The following GLIPR1L2 variants were observed in gnomAD, a reference collection of about 807,000 sequenced individuals.
The protein encoded by GLIPR1L2 is GLIPR1 like 2, also known as GLIPR1-like protein 2.
Under a neutral mutation model 28.4 loss-of-function variants are expected in GLIPR1L2, and 21 were observed. That is an observed-to-expected ratio of 0.74 (90% CI 0.52 to 1.06). GLIPR1L2 has a LOEUF of 1.06. Ranked by LOEUF, GLIPR1L2 falls within the 50% of genes least tolerant of loss-of-function variation. GLIPR1L2 has a pLI of 0.00. For missense variants in GLIPR1L2, 476 were observed against 416.9 expected (o/e 1.14, Z -1.23); for synonymous variants, 145 against 139.3 (o/e 1.04, Z -0.29).
intron 4 of GLIPR1L2, among the ~76,000 whole-genome samples, chr12:75,425,394 C>A (rs968426054): frequency 6.6e-5 from 10 of 152,046 alleles, no homozygotes; most frequent in Non-Finnish European, 1.5e-4. Context: ...CATGAGGTGT[C>A]TGAGTGCAAA....
chr12:75,425,954 A>G (rs1037164054), intron 4 of GLIPR1L2, among the ~76,000 whole-genome samples: 2 of 152,236 alleles, frequency 1.3e-5, no homozygotes, highest in East Asian at 1.9e-4. Flanking sequence ...ATAAATGTGT[A>G]TATATACACA....
intron 4 of GLIPR1L2, among the ~76,000 whole-genome samples, chr12:75,428,594 G>A (rs945067085): frequency 2.6e-5 from 4 of 152,154 alleles, no homozygotes; most frequent in Non-Finnish European, 5.9e-5. Context: ...GGAGCCAAAT[G>A]TTAATCACCA....
chr12:75,413,089 G>A lies in GLIPR1L2; in HGVS notation c.481-509G>A, dbSNP rs1327426351. On this transcript the variant is annotated intron_variant, in intron 2 of 5. Coordinates refer to ENST00000550916, the MANE Select transcript of GLIPR1L2 (RefSeq NM_001270396.2). ...AAACCATGATTCTCAGCAAACTATC[G>A]CAAGGACAAAAAACCAAACACCGCA... 7.9e-5 allele frequency among the ~76,000 whole-genome samples: 12 copies of A among 151,146 alleles called. No homozygotes were observed. In the South Asian group the frequency reaches 1.3e-3, roughly 16 times the overall value.
intron 1 of GLIPR1L2, among the ~76,000 whole-genome samples, chr12:75,398,451 T>C (rs2139921239): frequency 6.6e-6 from 1 of 152,292 alleles, no homozygotes; most frequent in South Asian, 2.1e-4. Context: ...AACATTTTAT[T>C]CCCATTTTTA....
At chr12:75,418,274 A>G (rs183915701) in intron 3 of GLIPR1L2, among the ~76,000 whole-genome samples, 12 of 152,256 alleles carry the variant, frequency 7.9e-5, no homozygotes, top group Admixed American at 7.9e-4. Flanking sequence ...GGCTGGATAA[A>G]AGTAAAACTG....
chr12:75,394,777 A>C (rs1234832189), intron 1 of GLIPR1L2, among the ~76,000 whole-genome samples: 6 of 151,378 alleles, frequency 4.0e-5, no homozygotes, highest in African/African-American at 9.7e-5. Context: ...AAAAAAAAAA[A>C]AAAAAAACAT....
chr12:75,396,213 G>A (rs750979759), intron 1 of GLIPR1L2, among the ~76,000 whole-genome samples: 9 of 151,952 alleles, frequency 5.9e-5, no homozygotes, highest in Non-Finnish European at 1.2e-4. Context: ...TGCCCAGGCT[G>A]GAGTGCAGTG....
rs1555232633 is a variant in GLIPR1L2, at chr12:75,409,565, G to GTGTATATATATA, written c.235-868_235-867insGTATATATATAT. 3.8e-4 allele frequency among the ~76,000 whole-genome samples: 54 copies of GTGTATATATATA among 143,424 alleles called. 1 individual carries two copies. The highest frequency in any genetic ancestry group is 1.0e-3 in the African/African-American group (41 of 39,380). The allele number at this position is 143,424 out of a possible 152,430, so 94.1% of individuals were successfully genotyped here. A position where few individuals can be genotyped will look rare whatever the true frequency, so the allele number is the denominator to read the frequency against. ...TAAAAGATTTTTTTTGGGTGTGTGT[G>GTGTATATATATA]TATATATATATATACACACACACAT... On this transcript the variant is annotated intron_variant, in intron 1 of 5. Coordinates refer to ENST00000550916, the MANE Select transcript of GLIPR1L2 (RefSeq NM_001270396.2).
intron 4 of GLIPR1L2, 118 bp from the exon 5 acceptor site, chr12:75,430,597 C>T (rs2046081120): frequency 3.4e-6 from 3 of 880,734 alleles, no homozygotes; most frequent in Admixed American, 5.4e-5. Context: ...GGAGGGAGGA[C>T]ATCAAAGATA....
At chr12:75,422,591 C>T (rs1002133697) in intron 3 of GLIPR1L2, among the ~76,000 whole-genome samples, 1 of 152,138 alleles carries the variant, frequency 6.6e-6, no homozygotes, top group Non-Finnish European at 1.5e-5. Flanking sequence ...CATGAGCCAC[C>T]GCGCCCGGTC....
At position 75,423,287 on chromosome 12, in the gene GLIPR1L2, G is replaced by A. The variant is rs2139961408; in HGVS notation, c.670+298G>A. On this transcript the variant is annotated intron_variant, in intron 4 of 5. Coordinates refer to ENST00000550916, the MANE Select transcript of GLIPR1L2 (RefSeq NM_001270396.2). ...AAGCTTCACAGTTTATGCCCAAACA[G>A]CAGCCTGTTTGATAATAACTGCTTT... is the stretch of plus-strand genomic sequence containing the variant. 3 of 1,193,776 alleles carry A rather than the reference G, an allele frequency of 2.5e-6. No homozygotes were observed. The East Asian group carries it at 1.2e-4, about 47-fold the overall frequency. 73.9% of individuals were successfully genotyped at this position (1,193,776 alleles called of 1,614,324 possible).
At chr12:75,391,640 A>T (rs1344687904) in intron 1 of GLIPR1L2, 1 of 797,264 alleles carries the variant, frequency 1.3e-6, no homozygotes, top group Non-Finnish European at 1.9e-6. Flanking sequence ...TTTTAATGCA[A>T]CGGGTTTTTA....
intron 1 of GLIPR1L2, among the ~76,000 whole-genome samples, chr12:75,408,709 T>C (rs1422609836): frequency 1.3e-5 from 2 of 151,992 alleles, no homozygotes; most frequent in Admixed American, 6.6e-5. Context: ...AATCTAGTTA[T>C]GTTAATATGG....
At chr12:75,397,089 G>A (rs1213403583) in intron 1 of GLIPR1L2, among the ~76,000 whole-genome samples, 3 of 151,980 alleles carry the variant, frequency 2.0e-5, no homozygotes, top group African/African-American at 4.8e-5. Context: ...ATGTATGTTT[G>A]ACTTTTTCAT....
chr12:75,391,668 C>A, intron 1 of GLIPR1L2: 4 of 570,698 alleles, frequency 7.0e-6, no homozygotes, highest in Non-Finnish European at 8.8e-6. Context: ...AAAATCAGTG[C>A]AAAAATATCA....
At chr12:75,414,846 CAA>C (rs1265054872) in intron 3 of GLIPR1L2, among the ~76,000 whole-genome samples, 2 of 152,024 alleles carry the variant, frequency 1.3e-5, no homozygotes, top group African/African-American at 2.4e-5. Context: ...TTTCTGCTAA[CAA>C]GACGCAAAAA....
intron 1 of GLIPR1L2, among the ~76,000 whole-genome samples, chr12:75,409,524 A>G (rs2045838886): frequency 6.7e-6 from 1 of 149,810 alleles, no homozygotes; most frequent in South Asian, 2.1e-4. Context: ...AACACTCACC[A>G]ACTACTACCA....
At chr12:75,413,782 A>G in intron 3 of GLIPR1L2, 81 bp downstream of exon 3, 1 of 627,672 alleles carries the variant, frequency 1.6e-6, no homozygotes, top group Admixed American at 3.0e-5. Context: ...ATATATTTTT[A>G]TAAGTGTTTT....
rs376061377 is a variant in GLIPR1L2 at position 75,395,513 on chromosome 12, A to G, written c.234+4163A>G. The stretch of plus-strand genomic sequence containing the variant: ...TTTTTGGGGAAGAGTTTGAGAATTG[A>G]TGTTAATTCTTCTTTAAATATATGT... On this transcript the variant is annotated intron_variant, in intron 1 of 5. Transcript: ENST00000550916. Among the ~76,000 whole-genome samples the G allele has an allele frequency of 4.7e-4, 71 of 152,054 alleles. No homozygotes were observed. In the South Asian group the frequency reaches 0.011, roughly 24 times the overall value.
Sources: allele counts gnomAD v4.1 joint callset (sites outside exome capture counted in the v4.1 genomes callset), GRCh38; gene constraint gnomAD v4.1.1; transcripts MANE v1.5; gene names NCBI Gene and HGNC (gene_info 2026-07-23, HGNC 2026-07-21).